Variants in TRIT1 observed in about 807,000 individuals in gnomAD.
The protein encoded by TRIT1 is tRNA dimethylallyltransferase.
A neutral mutation model predicts 51.2 loss-of-function variants in TRIT1; 43 were observed. The observed-to-expected ratio is 0.84, with a 90% CI of 0.66 to 1.08. TRIT1 has a LOEUF of 1.08. TRIT1 is among the 50% of genes least tolerant of loss of function. The probability of loss-of-function intolerance (pLI) is 0.00; values close to 1 mark genes in which losing one functional copy is unlikely to be tolerated. For missense variants in TRIT1, 528 were observed against 578.4 expected, an observed-to-expected ratio of 0.91 and a Z score of 0.89; for synonymous variants, 184 against 203.9, an observed-to-expected ratio of 0.90 and a Z score of 0.83.
chr1:39,861,039 T>C (rs758109077), intron 1 of TRIT1, among the ~76,000 whole-genome samples: 6 of 152,178 alleles, frequency 3.9e-5, no homozygotes, highest in Non-Finnish European at 7.3e-5. Context: ...ATGGTGCCAC[T>C]GCACTCTAGC....
At chr1:39,882,524 TC>T (rs2124700072) in intron 1 of TRIT1, among the ~76,000 whole-genome samples, 1 of 152,306 alleles carries the variant, frequency 6.6e-6, no homozygotes, top group Non-Finnish European at 1.5e-5. Context: ...AGCAAAATGC[TC>T]CCAGATGTGA....
rs755647705 is a variant in TRIT1 at position 39,853,916 on chromosome 1, C to G, written c.414+54G>C. On this transcript the variant is annotated intron_variant, in intron 3 of 10. Transcript: ENST00000316891. ...CAACCTTTCTCCCACTGAAATTAGA[C>G]AGCAAGAAAGAGCAATCCATTTCCT... 3 of 1,264,004 alleles carry G rather than the reference C, an allele frequency of 2.4e-6. No homozygotes were observed. In the Admixed American group the frequency reaches 5.9e-5, roughly 25 times the overall value. 78.3% of individuals were successfully genotyped at this position (1,264,004 alleles called of 1,614,324 possible).
At chr1:39,848,602 G>C (rs1642373400) in intron 5 of TRIT1, among the ~76,000 whole-genome samples, 1 of 150,790 alleles carries the variant, frequency 6.6e-6, no homozygotes, top group Admixed American at 6.7e-5. Flanking sequence ...GAGGTGGGTG[G>C]ATCACGAGGT....
intron 1 of TRIT1, among the ~76,000 whole-genome samples, chr1:39,861,070 C>G (rs996803083): frequency 2.6e-5 from 4 of 152,058 alleles, no homozygotes; most frequent in African/African-American, 7.2e-5. Flanking sequence ...GAGCAAGACT[C>G]TGTCTCAAAA....
At chr1:39,847,941 C>A in intron 6 of TRIT1, 45 bp downstream of exon 6, 1 of 1,563,140 alleles carries the variant, frequency 6.4e-7, no homozygotes, top group South Asian at 1.1e-5. Flanking sequence ...TTTTGATTGT[C>A]TGCAAAATAT....
Position 39,878,853 on chromosome 1 carries a change from C to T in TRIT1, c.174+4465G>A, listed in dbSNP as rs182684609. 1.1e-3 allele frequency among the ~76,000 whole-genome samples: 162 copies of T among 152,314 alleles called. 1 individual carries two copies. The highest frequency in any genetic ancestry group is 3.7e-3 in the African/African-American group (154 of 41,572). On this transcript the variant is annotated intron_variant, in intron 1 of 10. Coordinates refer to ENST00000316891, the MANE Select transcript of TRIT1 (RefSeq NM_017646.6). Reference sequence around the variant, plus strand: ...TACATCAGGTGGCTTCCAGTCAGCTCAACACTCCACTTGACAGATATCACT... The same window carrying T: ...TACATCAGGTGGCTTCCAGTCAGCTTAACACTCCACTTGACAGATATCACT...
intron 1 of TRIT1, among the ~76,000 whole-genome samples, chr1:39,867,663 A>G (rs912200276): frequency 6.6e-6 from 1 of 152,214 alleles, no homozygotes; most frequent in Admixed American, 6.5e-5. Flanking sequence ...CCACCTGCAA[A>G]CAAACACTGG....
rs376803490 is a variant in TRIT1, at chr1:39,858,383, G to T, written c.175-966C>A. ...TAGCTCTACCACTTACTAGTTATTC[G>T]TAGTTGAAGAAGTCAGTTACTAACC... On this transcript the variant is annotated intron_variant, in intron 1 of 10. Coordinates refer to ENST00000316891, the MANE Select transcript of TRIT1 (RefSeq NM_017646.6). 1.2e-4 allele frequency among the ~76,000 whole-genome samples: 18 copies of T among 152,282 alleles called. No individual in the cohort carries two copies. In the East Asian group the frequency reaches 1.5e-3, roughly 13 times the overall value.
At chr1:39,848,470 CTTTATG>C (rs1642364609) in intron 5 of TRIT1, among the ~76,000 whole-genome samples, 1 of 151,448 alleles carries the variant, frequency 6.6e-6, no homozygotes, top group Non-Finnish European at 1.5e-5. Flanking sequence ...CTTAGTGTTA[CTTTATG>C]TTTAAGAACC....
At position 39,841,476 on chromosome 1, in the gene TRIT1, G is replaced by C. The variant is rs749999525; in HGVS notation, c.*268C>G. The C allele has an allele frequency of 3.4e-6, 1 of 291,932 alleles. No homozygotes were observed. The highest frequency in any genetic ancestry group is 6.3e-6 in the Non-Finnish European group (1 of 159,510). The allele number at this position is 291,932 out of a possible 1,614,324, so 18.1% of individuals were successfully genotyped here. A position where few individuals can be genotyped will look rare whatever the true frequency, so the allele number is the denominator to read the frequency against. ...GGAATCTGTGCTGCTTTTAATAATAGAACCTTTAAGGTTCAAAGAAAAAAA... is the reference window on the plus strand; with the variant it reads ...GGAATCTGTGCTGCTTTTAATAATACAACCTTTAAGGTTCAAAGAAAAAAA... On this transcript the variant is annotated 3_prime_UTR_variant, in exon 11 of 11. Transcript: ENST00000316891.
At chr1:39,852,682 G>C (rs917624184) in intron 4 of TRIT1, 49 bp downstream of exon 4, 1 of 1,590,462 alleles carries the variant, frequency 6.3e-7, no homozygotes, top group Admixed American at 1.8e-5. Flanking sequence ...AGAACTGACT[G>C]CTCTCTAGTT....
At chr1:39,875,349 G>A (rs974449764) in intron 1 of TRIT1, among the ~76,000 whole-genome samples, 11 of 152,074 alleles carry the variant, frequency 7.2e-5, no homozygotes, top group African/African-American at 1.2e-4. Flanking sequence ...TTAGCCAGGC[G>A]TGGTGGCATG....
intron 1 of TRIT1, among the ~76,000 whole-genome samples, chr1:39,861,138 C>G (rs1557558915): frequency 6.6e-6 from 1 of 152,142 alleles, no homozygotes. Context: ...AAAAAAGAAA[C>G]AGATAATAGC....
In TRIT1 at chr1:39,852,786, C is replaced by A. The variant is rs148601848; in HGVS notation, c.505G>T (p.Val169Leu). Reference protein sequence around the residue: ...GLVLHKRLSQVDPEMAAKLHP... With the variant: ...GLVLHKRLSQLDPEMAAKLHP... ...AGCTTGGCAGCCATTTCTGGGTCCA[C>A]CTGGCTTAGGCGTTTGTGAAGTACA... The change falls in exon 4 of 11, where the codon GTG (valine) becomes TTG (leucine). Residue 169 changes from valine (V) to leucine (L), a missense_variant. By Grantham distance (32) the Val-to-Leu change is conservative. Transcript: ENST00000316891. The A allele has an allele frequency of 7.4e-6, 12 of 1,614,186 alleles. No individual in the cohort carries two copies. The highest frequency in any genetic ancestry group is 1.0e-5 in the Non-Finnish European group (12 of 1,180,028).
At chr1:39,878,984 T>C (rs1263580989) in intron 1 of TRIT1, among the ~76,000 whole-genome samples, 2 of 152,190 alleles carry the variant, frequency 1.3e-5, no homozygotes, top group African/African-American at 4.8e-5. Context: ...AGTTAAAAAC[T>C]CCTGGCCTGG....
At chr1:39,868,877 T>C (rs1367415050) in intron 1 of TRIT1, among the ~76,000 whole-genome samples, 1 of 151,814 alleles carries the variant, frequency 6.6e-6, no homozygotes, top group African/African-American at 2.4e-5. Context: ...CTGGCCAACG[T>C]GGTGAAACCC....
intron 4 of TRIT1, among the ~76,000 whole-genome samples, chr1:39,850,946 T>C (rs1284615457): frequency 6.6e-6 from 1 of 152,236 alleles, no homozygotes; most frequent in Non-Finnish European, 1.5e-5. Flanking sequence ...CACATACTTA[T>C]TCTTAAGCCA....
At chr1:39,842,194 C>T (rs1399374844) in intron 10 of TRIT1, among the ~76,000 whole-genome samples, 1 of 152,200 alleles carries the variant, frequency 6.6e-6, no homozygotes, top group East Asian at 1.9e-4. Flanking sequence ...TGGTACTATT[C>T]TGCTCATTTT....
At chr1:39,857,089 T>A (rs78840578) in intron 2 of TRIT1, among the ~76,000 whole-genome samples, 188 bp downstream of exon 2, 3 of 152,216 alleles carry the variant, frequency 2.0e-5, no homozygotes, top group African/African-American at 7.2e-5. Flanking sequence ...TGCCACAGTC[T>A]AAGGACAAGA....
Sources: allele counts gnomAD v4.1 joint callset (sites outside exome capture counted in the v4.1 genomes callset), GRCh38; gene constraint gnomAD v4.1.1; transcripts MANE v1.5; gene names NCBI Gene and HGNC (gene_info 2026-07-23, HGNC 2026-07-21).